Variants in IGF2BP3 observed in about 807,000 individuals in gnomAD.
IGF2BP3 encodes insulin like growth factor 2 mRNA binding protein 3.
Under a neutral mutation model 73.8 loss-of-function variants are expected in IGF2BP3, and 9 were observed. The observed-to-expected ratio is 0.12, with a 90% CI of 0.07 to 0.21. The LOEUF (loss-of-function observed/expected upper bound fraction) is 0.21. IGF2BP3 is among the 10% of genes least tolerant of loss of function. The pLI is 1.00. For synonymous variants in IGF2BP3, 258 were observed against 256.7 expected (o/e 1.01, Z -0.05); for missense variants, 542 against 714.0 (o/e 0.76, Z 2.75).
In IGF2BP3 at chr7:23,319,370, G is replaced by C. The variant is rs555490488; in HGVS notation, c.1204-116C>G. 5.7e-5 allele frequency: 38 copies of C among 670,442 alleles called. 1 individual carries two copies. In the South Asian group the frequency reaches 5.8e-4, roughly 10 times the overall value. The allele number at this position is 670,442 out of a possible 1,614,324, so 41.5% of individuals were successfully genotyped here. A position where few individuals can be genotyped will look rare whatever the true frequency, so the allele number is the denominator to read the frequency against. On this transcript the variant is annotated intron_variant, in intron 10 of 14. Coordinates refer to ENST00000258729, the MANE Select transcript of IGF2BP3 (RefSeq NM_006547.3). ...CAGTAGGAATACCAGGAAAGTTTAA[G>C]GAAAAGCTACCATAAGAAGTTGACC...
intron 12 of IGF2BP3, among the ~76,000 whole-genome samples, chr7:23,314,744 TAGAA>T (rs1254700148): frequency 9.9e-5 from 15 of 152,242 alleles, no homozygotes; most frequent in Non-Finnish European, 1.0e-4. Flanking sequence ...TTCATACTCT[TAGAA>T]AGGTGGTTTT....
intron 12 of IGF2BP3, among the ~76,000 whole-genome samples, chr7:23,315,125 T>A (rs1301551187): frequency 6.6e-6 from 1 of 151,324 alleles, no homozygotes; most frequent in African/African-American, 2.4e-5. Context: ...TTTTTTATTT[T>A]TTTATTTTAT....
chr7:23,452,397 G>T (rs764277474), intron 2 of IGF2BP3, among the ~76,000 whole-genome samples: 1 of 152,164 alleles, frequency 6.6e-6, no homozygotes, highest in Non-Finnish European at 1.5e-5. Context: ...TTTTTGCCAA[G>T]TATGTCTTTG....
intron 11 of IGF2BP3, 126 bp from the exon 12 acceptor site, chr7:23,317,839 T>C: frequency 1.3e-6 from 1 of 744,896 alleles, no homozygotes; most frequent in Non-Finnish European, 2.4e-6. Flanking sequence ...TGAAGGAAAT[T>C]AGGGAGAGGC....
At chr7:23,355,324 G>A (rs527432259) in intron 5 of IGF2BP3, among the ~76,000 whole-genome samples, 9 of 150,644 alleles carry the variant, frequency 6.0e-5, no homozygotes, top group Non-Finnish European at 1.0e-4. Context: ...TCCTTGGTTT[G>A]AGCAATTCTC....
intron 2 of IGF2BP3, among the ~76,000 whole-genome samples, chr7:23,420,013 A>G (rs1036751793): frequency 6.6e-6 from 1 of 152,220 alleles, no homozygotes; most frequent in African/African-American, 2.4e-5. Context: ...GAAGAGGGCG[A>G]CACATATAAC....
intron 3 of IGF2BP3, among the ~76,000 whole-genome samples, chr7:23,371,502 T>C (rs761303631): frequency 7.9e-5 from 12 of 152,168 alleles, no homozygotes; most frequent in Non-Finnish European, 1.3e-4. Flanking sequence ...TGATATATAA[T>C]TCTAAAACAA....
intron 3 of IGF2BP3, among the ~76,000 whole-genome samples, chr7:23,403,842 G>T (rs1786743447): frequency 1.3e-5 from 2 of 152,014 alleles, no homozygotes; most frequent in South Asian, 4.2e-4. Flanking sequence ...GAGGTACTTG[G>T]CCAGGCACGG....
At chr7:23,460,166 G>GAGACC (rs1562764838) in intron 2 of IGF2BP3, among the ~76,000 whole-genome samples, 1 of 112,306 alleles carries the variant, frequency 8.9e-6, no homozygotes, top group Non-Finnish European at 1.8e-5. Flanking sequence ...GCAACCGTGC[G>GAGACC]AGACCCTGCC....
chr7:23,364,299 A>G (rs1173038726), intron 3 of IGF2BP3, among the ~76,000 whole-genome samples: 1 of 151,728 alleles, frequency 6.6e-6, no homozygotes, highest in Non-Finnish European at 1.5e-5. Flanking sequence ...GCTTGAACCC[A>G]GGAGGCGGAG....
At chr7:23,431,323 T>C (rs1787671248) in intron 2 of IGF2BP3, 1 of 152,198 alleles carries the variant, frequency 6.6e-6, no homozygotes, top group Non-Finnish European at 1.5e-5. Context: ...GGAAAACAAT[T>C]CTAGATTCTA....
intron 13 of IGF2BP3, 77 bp from the exon 14 acceptor site, chr7:23,312,925 CAGTG>C (rs1375072585): frequency 2.0e-5 from 17 of 836,268 alleles, no homozygotes; most frequent in East Asian, 1.6e-4. Flanking sequence ...GTGCGCCAGA[CAGTG>C]AGCTATGTAT....
intron 2 of IGF2BP3, among the ~76,000 whole-genome samples, chr7:23,424,834 G>C (rs1414444362): frequency 6.6e-6 from 1 of 152,194 alleles, no homozygotes; most frequent in African/African-American, 2.4e-5. Context: ...CGATGAAACT[G>C]ATTTAAGTTG....
At position 23,459,612 on chromosome 7, in the gene IGF2BP3, C is replaced by T. The variant is rs1445470263; in HGVS notation, c.236+8870G>A. Among the ~76,000 whole-genome samples, 5 of 151,610 alleles carry T rather than the reference C, an allele frequency of 3.3e-5. No homozygotes were observed. In the East Asian group the frequency reaches 7.7e-4, roughly 23 times the overall value. On this transcript the variant is annotated intron_variant, in intron 2 of 14. Coordinates refer to ENST00000258729, the MANE Select transcript of IGF2BP3 (RefSeq NM_006547.3). ...CTTTGGGAGGCCGAGGTGGGCAAAT[C>T]ACAAGGTCAGGAGTTCGAGACCAGC...
intron 2 of IGF2BP3, among the ~76,000 whole-genome samples, chr7:23,460,296 G>C (rs993661741): frequency 6.6e-6 from 1 of 151,934 alleles, no homozygotes; most frequent in Non-Finnish European, 1.5e-5. Context: ...GGGAGGCTGA[G>C]GTGGGCAGAT....
At chr7:23,437,737 G>T (rs757755865) in intron 2 of IGF2BP3, among the ~76,000 whole-genome samples, 1 of 152,108 alleles carries the variant, frequency 6.6e-6, no homozygotes, top group South Asian at 2.1e-4. Flanking sequence ...CAAACTTTAA[G>T]ATTTCACCAA....
At chr7:23,328,331 C>A (rs955419966) in intron 10 of IGF2BP3, among the ~76,000 whole-genome samples, 1 of 152,172 alleles carries the variant, frequency 6.6e-6, no homozygotes, top group Non-Finnish European at 1.5e-5. Flanking sequence ...GCTTCAGCCT[C>A]CTGAGTAGCT....
rs959741137 is a variant in IGF2BP3 at position 23,469,334 on chromosome 7, C to A, written c.175+602G>T. On this transcript the variant is annotated intron_variant, in intron 1 of 14. Transcript: ENST00000258729. This position sits in a 1 kb window ranked among gnomAD's most constrained non-coding sequence, Gnocchi z 6.1. ...GCGACCAGCCGCCCCCGCCCACCTG[C>A]CCCTATCGCTCGTCGGACCAGGGGA... 3 of 152,190 alleles carry A rather than the reference C, an allele frequency of 2.0e-5. No homozygotes were observed. The highest frequency in any genetic ancestry group is 7.2e-5 in the African/African-American group (3 of 41,448). 9.4% of individuals were successfully genotyped at this position (152,190 alleles called of 1,614,324 possible). A position where few individuals can be genotyped will look rare whatever the true frequency, so the allele number is the denominator to read the frequency against.
At position 23,422,414 on chromosome 7, in the gene IGF2BP3, G is replaced by C. The variant is rs541061505; in HGVS notation, c.237-3590C>G. Among the ~76,000 whole-genome samples the C allele has an allele frequency of 3.3e-5, 5 of 152,186 alleles. No individual in the cohort carries two copies. The South Asian group carries it at 8.3e-4, about 25-fold the overall frequency. On this transcript the variant is annotated intron_variant, in intron 2 of 14. Transcript: ENST00000258729. ...TAAGGCCAGGAGTAAAATTAGCGTG[G>C]TGTGGTGGCACACGCCCGTAGTCCT...
Sources: allele counts gnomAD v4.1 joint callset (sites outside exome capture counted in the v4.1 genomes callset), GRCh38; gene constraint gnomAD v4.1.1; non-coding constraint Gnocchi (gnomAD v3.1); transcripts MANE v1.5; gene names NCBI Gene and HGNC (gene_info 2026-07-23, HGNC 2026-07-21).